CCDC25: variants seen among roughly 807,000 people sequenced by gnomAD.
CCDC25 encodes coiled-coil domain containing 25, also known as coiled-coil domain-containing protein 25.
A neutral mutation model predicts 35.3 loss-of-function variants in CCDC25; 16 were observed. That is an observed-to-expected ratio of 0.45 (90% CI 0.31 to 0.69). The LOEUF (loss-of-function observed/expected upper bound fraction) is 0.69. Among genes scored for constraint, CCDC25 ranks in the 30% least tolerant of loss-of-function variants. The probability of loss-of-function intolerance (pLI) is 0.06; values close to 1 mark genes in which losing one functional copy is unlikely to be tolerated. For missense variants in CCDC25, 179 were observed against 250.7 expected (o/e 0.71, Z 1.93); for synonymous variants, 79 against 80.3 (o/e 0.98, Z 0.09).
At position 27,737,967 on chromosome 8, in the gene CCDC25, C is replaced by T. The variant is rs142242932; in HGVS notation, c.598-1722G>A. ...AATATATTAACAGCATTTGCAGTGA[C>T]CTGGATGAGACTGGAGACTATTATT... On this transcript the variant is annotated intron_variant, in intron 8 of 8. Coordinates refer to ENST00000356537, the MANE Select transcript of CCDC25 (RefSeq NM_018246.3). This position sits in a 1 kb window ranked among gnomAD's most constrained non-coding sequence, Gnocchi z 4.6. 1.3e-4 allele frequency among the ~76,000 whole-genome samples: 19 copies of T among 151,838 alleles called. No individual in the cohort carries two copies. The East Asian group carries it at 3.3e-3, about 26-fold the overall frequency.
rs552821369 is a variant in CCDC25, at chr8:27,743,211, T to C, written c.552-2694A>G. On this transcript the variant is annotated intron_variant, in intron 7 of 8. Coordinates refer to ENST00000356537, the MANE Select transcript of CCDC25 (RefSeq NM_018246.3). ...CTAGAAAAACAATAATCCACTTCTC[T>C]CCACCCCAAGTCACCACCATATTCT... is the stretch of plus-strand genomic sequence containing the variant. 2.0e-5 allele frequency among the ~76,000 whole-genome samples: 3 copies of C among 152,300 alleles called. No individual in the cohort carries two copies. The East Asian group carries it at 5.8e-4, about 29-fold the overall frequency.
chr8:27,765,684 C>A (rs1444073437), intron 1 of CCDC25, among the ~76,000 whole-genome samples: 3 of 151,944 alleles, frequency 2.0e-5, no homozygotes, highest in Non-Finnish European at 4.4e-5. Flanking sequence ...CCCATGTTTA[C>A]CAAAGTTTTA....
intron 1 of CCDC25, 150 bp downstream of exon 1, chr8:27,772,363 G>A (rs980305500): frequency 2.2e-5 from 16 of 724,404 alleles, no homozygotes; most frequent in Non-Finnish European, 3.8e-5. Context: ...TGGGAGGGAC[G>A]GATGTGCTGG....
chr8:27,733,333 G>A lies in CCDC25; in HGVS notation c.*2883C>T, dbSNP rs998053014. 6.6e-6 allele frequency: 1 copy of A among 152,196 alleles called. No individual in the cohort carries two copies. Among genetic ancestry groups the A allele is most frequent in the Non-Finnish European group, 1.5e-5 (1 of 68,036 alleles). The allele number at this position is 152,196 out of a possible 1,614,324, so 9.4% of individuals were successfully genotyped here. On this transcript the variant is annotated 3_prime_UTR_variant, in exon 9 of 9. Transcript: ENST00000356537. ...ACACACAGTTCTACTCAAACTATAA[G>A]CTTTTATTATTGTATTTTACAGATC... is the stretch of plus-strand genomic sequence containing the variant.
rs1803269168 is a variant in CCDC25, at chr8:27,737,331, T to C, written c.598-1086A>G. On this transcript the variant is annotated intron_variant, in intron 8 of 8. Coordinates refer to ENST00000356537, the MANE Select transcript of CCDC25 (RefSeq NM_018246.3). The surrounding 1 kb of genome is among the most constrained non-coding windows in gnomAD (Gnocchi z 4.6). ...GAAAGAGTCATTTAGTATCTTCAAA[T>C]GCCAGCTTTAGATCCCAAACACTGA... is the stretch of plus-strand genomic sequence containing the variant. Among the ~76,000 whole-genome samples, 1 of 152,218 alleles carries C rather than the reference T, an allele frequency of 6.6e-6. No individual in the cohort carries two copies. The highest frequency in any genetic ancestry group is 2.4e-5 in the African/African-American group (1 of 41,468).
rs191001037 is a variant in CCDC25, at chr8:27,740,635, C to T, written c.552-118G>A. 1.8e-5 allele frequency: 14 copies of T among 774,188 alleles called. No individual in the cohort carries two copies. The African/African-American group carries it at 2.5e-4, about 14-fold the overall frequency. 48.0% of individuals were successfully genotyped at this position (774,188 alleles called of 1,614,324 possible). ...AGGGGCTTTAGAAGAAACACAAGAG[C>T]TATTAGATATAATCTCTGCACTCAA... On this transcript the variant is annotated intron_variant, in intron 7 of 8. Coordinates refer to ENST00000356537, the MANE Select transcript of CCDC25 (RefSeq NM_018246.3).
At chr8:27,754,083 T>C (rs1041300271) in intron 4 of CCDC25, among the ~76,000 whole-genome samples, 2 of 152,204 alleles carry the variant, frequency 1.3e-5, no homozygotes, top group African/African-American at 2.4e-5. Context: ...TAGCAAACTA[T>C]GTACATCTTT....
intron 7 of CCDC25, among the ~76,000 whole-genome samples, chr8:27,745,772 T>C (rs1040134486): frequency 6.6e-6 from 1 of 152,250 alleles, no homozygotes. Context: ...TTCTGTCTTC[T>C]GCAGCATGTG....
intron 5 of CCDC25, among the ~76,000 whole-genome samples, chr8:27,751,659 C>A (rs1190243368): frequency 6.6e-6 from 1 of 152,166 alleles, no homozygotes; most frequent in Admixed American, 6.5e-5. Context: ...ATAACCTCTA[C>A]CCGATCTAGA....
At position 27,765,125 on chromosome 8, in the gene CCDC25, G is replaced by C. The variant is rs114772412; in HGVS notation, c.76+79C>G. The C allele has an allele frequency of 4.0e-3, 5,273 of 1,312,744 alleles. 106 individuals carry two copies. In the African/African-American group the frequency reaches 0.045, roughly 11 times the overall value. 81.3% of individuals were successfully genotyped at this position (1,312,744 alleles called of 1,614,324 possible). On this transcript the variant is annotated intron_variant, in intron 2 of 8. Coordinates refer to ENST00000356537, the MANE Select transcript of CCDC25 (RefSeq NM_018246.3). ...AAAACTCAGAACCAACAAACTGGGT[G>C]GGGGGCATGGAAGGTGGTGAGTGAG...
At chr8:27,747,009 T>C (rs918394836) in intron 7 of CCDC25, among the ~76,000 whole-genome samples, 1 of 152,216 alleles carries the variant, frequency 6.6e-6, no homozygotes, top group African/African-American at 2.4e-5. Flanking sequence ...CTTTTTTCTT[T>C]TTGGCATATG....
At chr8:27,736,739 C>T (rs1803243895) in intron 8 of CCDC25, among the ~76,000 whole-genome samples, 1 of 152,130 alleles carries the variant, frequency 6.6e-6, no homozygotes, top group African/African-American at 2.4e-5. Context: ...ATAGGAAAGG[C>T]CATCAGGAAG....
rs1803192021 is a variant in CCDC25, at chr8:27,735,590, G to A, written c.*626C>T. On this transcript the variant is annotated 3_prime_UTR_variant, in exon 9 of 9. Transcript: ENST00000356537. ...GAACACCATCAATTTCTTTAAATAT[G>A]TTGATACTAAGATGGAGGCCTCTGC... 1 of 152,184 alleles carries A rather than the reference G, an allele frequency of 6.6e-6. No homozygotes were observed. Among genetic ancestry groups the A allele is most frequent in the South Asian group, 2.1e-4 (1 of 4,832 alleles). 9.4% of individuals were successfully genotyped at this position (152,184 alleles called of 1,614,324 possible).
intron 5 of CCDC25, among the ~76,000 whole-genome samples, 192 bp downstream of exon 5, chr8:27,752,320 G>A (rs1803840171): frequency 6.6e-6 from 1 of 152,270 alleles, no homozygotes; most frequent in Admixed American, 6.5e-5. Flanking sequence ...ACAAGGGTGG[G>A]GAGATCAGTT....
At chr8:27,764,865 G>A (rs1804347432) in intron 2 of CCDC25, among the ~76,000 whole-genome samples, 1 of 152,104 alleles carries the variant, frequency 6.6e-6, no homozygotes, top group East Asian at 1.9e-4. Flanking sequence ...TTAAAAAATA[G>A]ACCTTAGTAC....
chr8:27,748,329 C>T, intron 6 of CCDC25, 50 bp from the exon 7 acceptor site: 1 of 1,544,092 alleles, frequency 6.5e-7, no homozygotes, highest in Non-Finnish European at 8.9e-7. Context: ...TTTTTTTTCT[C>T]CCAGAAGAGG....
intron 3 of CCDC25, among the ~76,000 whole-genome samples, chr8:27,757,457 T>C (rs1024723880): frequency 1.3e-5 from 2 of 152,186 alleles, no homozygotes; most frequent in East Asian, 1.9e-4. Context: ...GATACCAATA[T>C]ATGTCTCTTG....
chr8:27,739,962 T>C (rs1482414478), intron 8 of CCDC25, among the ~76,000 whole-genome samples: 1 of 152,180 alleles, frequency 6.6e-6, no homozygotes, highest in Non-Finnish European at 1.5e-5. Flanking sequence ...TACTATGTCA[T>C]AGGTCACCAT....
chr8:27,744,011 T>C (rs143404874), intron 7 of CCDC25, among the ~76,000 whole-genome samples: 1,728 of 152,346 alleles, frequency 0.011, 95 homozygotes, highest in Admixed American at 0.089. Context: ...GCAAAAATTG[T>C]AGTCAATGAG....
Sources: gnomAD v4.1 joint callset for allele counts (sites outside exome capture counted in the v4.1 genomes callset) on GRCh38, gnomAD v4.1.1 for gene constraint, Gnocchi (gnomAD v3.1) non-coding constraint, MANE v1.5 for transcripts, NCBI Gene and HGNC (gene_info 2026-07-23, HGNC 2026-07-21) for gene names.